Variants in TMEM201 observed in about 807,000 individuals in gnomAD.
The protein encoded by TMEM201 is transmembrane protein 201, also known as RP13-15M17.2.
TMEM201 carries 26 observed loss-of-function variants against 63.4 expected under a neutral mutation model. The ratio of observed to expected loss-of-function variants is 0.41; its 90% CI spans 0.30 to 0.57. The LOEUF (loss-of-function observed/expected upper bound fraction) is 0.57. TMEM201 is among the 20% of genes least tolerant of loss of function. TMEM201 has a pLI of 0.29. For missense variants in TMEM201, 794 were observed against 917.7 expected, an observed-to-expected ratio of 0.87 and a Z score of 1.74; for synonymous variants, 417 against 421.6, an observed-to-expected ratio of 0.99 and a Z score of 0.14.
intron 4 of TMEM201, among the ~76,000 whole-genome samples, chr1:9,599,882 G>A (rs1644103780): frequency 6.6e-6 from 1 of 152,256 alleles, no homozygotes; most frequent in Non-Finnish European, 1.5e-5. Context: ...ACAGGCGTGA[G>A]CCACTGCGCC....
chr1:9,611,236 C>T (rs1354780051), intron 9 of TMEM201, among the ~76,000 whole-genome samples: 3 of 149,782 alleles, frequency 2.0e-5, no homozygotes, highest in Admixed American at 6.7e-5. Context: ...CTCACTCTGT[C>T]GCCCAGGCTG....
chr1:9,591,048 T>G (rs1643910417), intron 1 of TMEM201, among the ~76,000 whole-genome samples: 1 of 152,124 alleles, frequency 6.6e-6, no homozygotes, highest in South Asian at 2.1e-4. Context: ...AGCCCCACCT[T>G]GTGCTTTAGG....
intron 4 of TMEM201, 65 bp downstream of exon 4, chr1:9,598,690 A>C: frequency 6.5e-7 from 1 of 1,538,496 alleles, no homozygotes; most frequent in South Asian, 1.2e-5. Context: ...CCCTCCCAGG[A>C]GGCTGGGCAC....
Position 9,601,107 on chromosome 1 carries a change from C to T in TMEM201, c.609C>T (p.Asn203=), listed in dbSNP as rs1459011651. ...CCGCCTCTCTTCCTCCTTTGCAGAA[C>T]TTCTCCTCCGCCGTGAAGTCCCCGG... The part of the protein sequence containing the change: ...RREADQTHAQ[N]FSSAVKSPVQ... Residue 203 remains asparagine, a splice_region_variant and synonymous_variant, in exon 5 of 11, where the codon AAC becomes AAT. Transcript: ENST00000340381. The T allele has an allele frequency of 1.3e-6, 2 of 1,582,968 alleles. No individual in the cohort carries two copies. Among genetic ancestry groups the T allele is most frequent in the African/African-American group, 1.3e-5 (1 of 74,550 alleles).
chr1:9,601,596 A>G lies in TMEM201; in HGVS notation c.956+142A>G, dbSNP rs530009025. On this transcript the variant is annotated intron_variant, in intron 5 of 10. Coordinates refer to ENST00000340381, the MANE Select transcript of TMEM201 (RefSeq NM_001130924.3). ...TGTCACTGGTACAAGGCTTGGTCCC[A>G]GGGGCTGGGAGTCGTAGGTGAGGTG... 1.7e-4 allele frequency: 146 copies of G among 862,034 alleles called. 1 individual carries two copies. The African/African-American group carries it at 2.2e-3, about 13-fold the overall frequency. 53.4% of individuals were successfully genotyped at this position (862,034 alleles called of 1,614,324 possible). A position where few individuals can be genotyped will look rare whatever the true frequency, so the allele number is the denominator to read the frequency against.
intron 9 of TMEM201, among the ~76,000 whole-genome samples, chr1:9,611,514 C>CCCACG (rs1056398903): frequency 9.2e-5 from 14 of 152,188 alleles, no homozygotes; most frequent in Non-Finnish European, 1.8e-4. Context: ...GTTTAGATTT[C>CCCACG]CCACGTCTCT....
chr1:9,588,962 GC>G lies in TMEM201; in HGVS notation c.36del (p.Thr13ArgfsTer27), dbSNP rs1317460549. The G allele has an allele frequency of 7.9e-7, 1 of 1,266,286 alleles. No individual in the cohort carries two copies. 78.4% of individuals were successfully genotyped at this position (1,266,286 alleles called of 1,614,324 possible). MEGVSALLAR[C>X]PTAGLAGGLG... is the part of the protein sequence containing the mutation. The stretch of plus-strand genomic sequence containing the variant: ...GGAGTGAGCGCGCTGCTGGCCCGCT[GC>G]CCCACGGCCGGCCTGGCCGGCGGCC... On this transcript the variant is annotated frameshift_variant, in exon 1 of 11. Coordinates refer to ENST00000340381, the MANE Select transcript of TMEM201 (RefSeq NM_001130924.3). LOFTEE classifies it high-confidence loss of function.
intron 1 of TMEM201, among the ~76,000 whole-genome samples, chr1:9,594,406 G>A (rs1219525876): frequency 2.0e-5 from 3 of 152,128 alleles, no homozygotes; most frequent in African/African-American, 7.2e-5. Flanking sequence ...GTGGGCCCTG[G>A]GCCTTCCCCG....
chr1:9,602,734 G>A (rs1644169439), intron 6 of TMEM201: 1 of 1,024,828 alleles, frequency 9.8e-7, no homozygotes, highest in Non-Finnish European at 1.2e-6. Flanking sequence ...TACAGGCTGG[G>A]CCCCTGGCGT....
chr1:9,601,082 C>T (rs1644129989), intron 4 of TMEM201, 23 bp from the exon 5 acceptor site: 1 of 1,561,548 alleles, frequency 6.4e-7, no homozygotes, highest in Non-Finnish European at 8.7e-7. Context: ...TCTCACTAAC[C>T]CGCCTCTCTT....
At chr1:9,609,537 C>T (rs868182161) in intron 7 of TMEM201, among the ~76,000 whole-genome samples, 2 of 152,184 alleles carry the variant, frequency 1.3e-5, no homozygotes, top group South Asian at 2.1e-4. Flanking sequence ...TCACCACCTG[C>T]TGTGAGCCTC....
In TMEM201 at chr1:9,609,881, G is replaced by A. The variant is rs1450922294; in HGVS notation, c.1435G>A (p.Val479Met). 1.3e-6 allele frequency: 2 copies of A among 1,551,472 alleles called. No homozygotes were observed. The highest frequency in any genetic ancestry group is 1.2e-5 in the South Asian group (1 of 84,054). ...CAGCGGTAGCCGCCCACCATCTCAG[G>A]TGTCTCGATCTGGGGAGTTTCCTGT... is the stretch of plus-strand genomic sequence containing the variant. ...LFSGSRPPSQ[V>M]SRSGEFPVSD... is the part of the protein sequence containing the mutation. Residue 479 changes from valine to methionine, a missense_variant, in exon 8 of 11, where the codon GTG (valine) becomes ATG (methionine). Physicochemically the swap from Val to Met is conservative, Grantham distance 21 (BLOSUM62 1). Transcript: ENST00000340381.
intron 1 of TMEM201, among the ~76,000 whole-genome samples, chr1:9,594,396 G>T (rs1368614532): frequency 6.6e-6 from 1 of 152,178 alleles, no homozygotes; most frequent in Admixed American, 6.5e-5. Context: ...AGCTGCCCCT[G>T]TGGGCCCTGG....
chr1:9,589,046 G>A lies in TMEM201; in HGVS notation c.113+3G>A. On this transcript the variant is annotated splice_donor_region_variant and intron_variant, in intron 1 of 10. Coordinates refer to ENST00000340381, the MANE Select transcript of TMEM201 (RefSeq NM_001130924.3). Reference sequence around the variant, plus strand: ...TTGCTCTACCGGATCGCGCGGAGGTGAGTGCATGGTTCGGCCCCACGCGGC... The same window carrying A: ...TTGCTCTACCGGATCGCGCGGAGGTAAGTGCATGGTTCGGCCCCACGCGGC... The A allele has an allele frequency of 1.8e-6, 2 of 1,111,010 alleles. No homozygotes were observed. Among genetic ancestry groups the A allele is most frequent in the Non-Finnish European group, 1.1e-6 (1 of 908,468 alleles). 68.8% of individuals were successfully genotyped at this position (1,111,010 alleles called of 1,614,324 possible).
At position 9,591,301 on chromosome 1, in the gene TMEM201, C is replaced by T. The variant is rs570591540; in HGVS notation, c.113+2258C>T. Among the ~76,000 whole-genome samples, 8 of 152,368 alleles carry T rather than the reference C, an allele frequency of 5.3e-5. No individual in the cohort carries two copies. The East Asian group carries it at 1.3e-3, about 26-fold the overall frequency. On this transcript the variant is annotated intron_variant, in intron 1 of 10. Transcript: ENST00000340381. ...ACCAAAGCTTGGGGAGGTTGGGCTA[C>T]CTGCCCCACATCACCCGGCTGTTAA...
rs554671975 is a variant in TMEM201, at chr1:9,607,282, C to T, written c.1161-275C>T. Among the ~76,000 whole-genome samples the T allele has an allele frequency of 3.3e-5, 5 of 151,688 alleles. No individual in the cohort carries two copies. The highest frequency in any genetic ancestry group is 1.9e-4 in the East Asian group (1 of 5,148). On this transcript the variant is annotated intron_variant, in intron 6 of 10. Transcript: ENST00000340381. The surrounding 1 kb of genome is among the most constrained non-coding windows in gnomAD (Gnocchi z 5.4). ...AAAGGCGACAGTGTCACTTTAATACCGAGACTCGTAGTGGAGATAGTTTGC... is the reference window on the plus strand; with the variant it reads ...AAAGGCGACAGTGTCACTTTAATACTGAGACTCGTAGTGGAGATAGTTTGC...
chr1:9,600,243 C>T (rs1301139248), intron 4 of TMEM201, among the ~76,000 whole-genome samples: 2 of 152,166 alleles, frequency 1.3e-5, no homozygotes, highest in East Asian at 3.8e-4. Flanking sequence ...AATATTCTAT[C>T]AACTGAGTAC....
In TMEM201 at chr1:9,607,579, G is replaced by A. The variant is rs776545133; in HGVS notation, c.1183G>A (p.Gly395Ser). ...CAGGTTCTTCCCAGGAGACTCTGCCGGCCTTTTCCCCACCAGCCCCAGCTT... is the reference window on the plus strand; with the variant it reads ...CAGGTTCTTCCCAGGAGACTCTGCCAGCCTTTTCCCCACCAGCCCCAGCTT... ...PRRFFPGDSA[G>S]LFPTSPSLAI... Residue 395 changes from glycine (G) to serine (S), a missense_variant, in exon 7 of 11, where the codon GGC (glycine) becomes AGC (serine). Gly to Ser is a moderately conservative substitution (Grantham distance 56). Transcript: ENST00000340381. The surrounding 1 kb of genome is among the most constrained non-coding windows in gnomAD (Gnocchi z 5.4). 164 of 1,550,554 alleles carry A rather than the reference G, an allele frequency of 1.1e-4. No homozygotes were observed. The highest frequency in any genetic ancestry group is 2.0e-4 in the East Asian group (8 of 40,914).
rs374824438 is a variant in TMEM201 at position 9,611,786 on chromosome 1, G to A, written c.1799G>A (p.Cys600Tyr). Residue 600 changes from cysteine (C) to tyrosine (Y), a missense_variant, in exon 10 of 11, where the codon TGC becomes TAC. By Grantham distance (194) the Cys-to-Tyr change is radical. Coordinates refer to ENST00000340381, the MANE Select transcript of TMEM201 (RefSeq NM_001130924.3). ...TCCAAGCTGGAAAGAGGCAGTGCCTGCAGCAACCGCTCCATCAAGAAAGAG... is the reference window on the plus strand; with the variant it reads ...TCCAAGCTGGAAAGAGGCAGTGCCTACAGCAACCGCTCCATCAAGAAAGAG... ...LRSKLERGSA[C>Y]SNRSIKKEDD... 1.3e-6 allele frequency: 2 copies of A among 1,551,090 alleles called. No individual in the cohort carries two copies. Among genetic ancestry groups the A allele is most frequent in the Non-Finnish European group, 1.7e-6 (2 of 1,147,042 alleles).
Sources: gnomAD v4.1 joint callset for allele counts (sites outside exome capture counted in the v4.1 genomes callset) on GRCh38, gnomAD v4.1.1 for gene constraint, Gnocchi (gnomAD v3.1) non-coding constraint, MANE v1.5 for transcripts, NCBI Gene and HGNC (gene_info 2026-07-23, HGNC 2026-07-21) for gene names.